ETV1: variants seen among roughly 807,000 people sequenced by gnomAD.
ETV1 encodes the protein ETS variant transcription factor 1.
Under a neutral mutation model 62.3 loss-of-function variants are expected in ETV1, and 27 were observed. That is an observed-to-expected ratio of 0.43 (90% CI 0.32 to 0.60). ETV1 has a LOEUF of 0.60. ETV1 is among the 20% of genes least tolerant of loss of function. The pLI, the probability that ETV1 is intolerant of heterozygous loss-of-function variation, is 0.06. For synonymous variants in ETV1, 222 were observed against 199.6 expected, an observed-to-expected ratio of 1.11 and a Z score of -0.94; for missense variants, 605 against 605.8, an observed-to-expected ratio of 1.00 and a Z score of 0.01.
chr7:13,955,682 T>C (rs866925661), intron 6 of ETV1, among the ~76,000 whole-genome samples: 1 of 152,206 alleles, frequency 6.6e-6, no homozygotes, highest in Admixed American at 6.5e-5. Context: ...ACTTTGCAAG[T>C]ATTGTAGGAA....
intron 9 of ETV1, among the ~76,000 whole-genome samples, chr7:13,920,860 T>G (rs1784766428): frequency 6.6e-6 from 1 of 152,156 alleles, no homozygotes; most frequent in East Asian, 1.9e-4. Flanking sequence ...TGAGACATGC[T>G]AAGCAATAAA....
chr7:13,901,643 A>C (rs1782443034), intron 12 of ETV1, among the ~76,000 whole-genome samples: 1 of 152,212 alleles, frequency 6.6e-6, no homozygotes. Context: ...TGTGTGTAGC[A>C]GAGGAAACAG....
chr7:13,959,203 T>G (rs55809307), intron 6 of ETV1, among the ~76,000 whole-genome samples: 15,831 of 152,102 alleles, frequency 0.1, 904 homozygotes, highest in African/African-American at 0.15. Flanking sequence ...GTATCCTCAC[T>G]CTTCAAAGCC....
chr7:13,896,289 G>C (rs1302274799), intron 13 of ETV1, among the ~76,000 whole-genome samples: 1 of 151,894 alleles, frequency 6.6e-6, no homozygotes, highest in Non-Finnish European at 1.5e-5. Flanking sequence ...AGTCAAGGGA[G>C]ATGCAAAATG....
At chr7:13,921,215 G>A (rs1009018986) in intron 9 of ETV1, among the ~76,000 whole-genome samples, 1 of 152,246 alleles carries the variant, frequency 6.6e-6, no homozygotes, top group African/African-American at 2.4e-5. Context: ...GTTTTGTAAT[G>A]GAATAAGGCC....
upstream of ETV1, among the ~76,000 whole-genome samples, chr7:13,990,111 A>T (rs550739731): frequency 3.8e-4 from 57 of 151,750 alleles, no homozygotes; most frequent in African/African-American, 1.3e-3. Context: ...AGGATCTCCA[A>T]CCTCTCTACT....
chr7:13,961,156 GA>G (rs1457976792), intron 6 of ETV1, among the ~76,000 whole-genome samples: 2 of 141,436 alleles, frequency 1.4e-5, no homozygotes, highest in South Asian at 4.6e-4. Flanking sequence ...AAAAAAAAAA[GA>G]AAAAAAAGAA....
intron 6 of ETV1, among the ~76,000 whole-genome samples, chr7:13,945,506 AT>A (rs995505288): frequency 2.0e-5 from 3 of 150,622 alleles, no homozygotes; most frequent in African/African-American, 4.9e-5. Flanking sequence ...GGCAAAAAAA[AT>A]TTTTTTTTTG....
chr7:13,899,970 A>T (rs970106477), intron 13 of ETV1, among the ~76,000 whole-genome samples: 25 of 152,310 alleles, frequency 1.6e-4, no homozygotes, highest in African/African-American at 5.5e-4. Flanking sequence ...CTCTTCTAAG[A>T]ACACAAAAAT....
Position 13,893,909 on chromosome 7 carries a change from A to G in ETV1, c.*1957T>C, listed in dbSNP as rs1289473300. 1 of 233,142 alleles carries G rather than the reference A, an allele frequency of 4.3e-6. No individual in the cohort carries two copies. Among genetic ancestry groups the G allele is most frequent in the African/African-American group, 2.2e-5 (1 of 45,334 alleles). 14.4% of individuals were successfully genotyped at this position (233,142 alleles called of 1,614,324 possible). ...CCAAAATAATACATGATGTATATGA[A>G]CAACAATCATTGAAATCGCAGGTTA... On this transcript the variant is annotated 3_prime_UTR_variant, in exon 14 of 14. Coordinates refer to ENST00000430479, the MANE Select transcript of ETV1 (RefSeq NM_004956.5).
In ETV1 at chr7:13,891,316, A is replaced by C. The variant is rs921397532; in HGVS notation, c.*4550T>G. The C allele has an allele frequency of 3.9e-5, 9 of 230,610 alleles. No individual in the cohort carries two copies. In the South Asian group the frequency reaches 1.4e-3, roughly 37 times the overall value. The allele number at this position is 230,610 out of a possible 1,614,324, so 14.3% of individuals were successfully genotyped here. A position where few individuals can be genotyped will look rare whatever the true frequency, so the allele number is the denominator to read the frequency against. On this transcript the variant is annotated 3_prime_UTR_variant, in exon 14 of 14. Transcript: ENST00000430479. ...ATGATTTTCATAGCATGTTTTCTCA[A>C]ACCGTAAGTATAATTTTAATACAAC... is the stretch of plus-strand genomic sequence containing the variant.
chr7:13,984,523 C>G lies in ETV1; in HGVS notation c.181+2115G>C, dbSNP rs186626738. Among the ~76,000 whole-genome samples the G allele has an allele frequency of 3.7e-3, 557 of 152,048 alleles. 2 individuals are homozygous for G. The highest frequency in any genetic ancestry group is 0.012 in the African/African-American group (513 of 41,546). ...ACAAGAAGTTAAAAAGATCTCTTTT[C>G]TCACTATTAGGTTTTAAACATCACG... On this transcript the variant is annotated intron_variant, in intron 5 of 13. Coordinates refer to ENST00000430479, the MANE Select transcript of ETV1 (RefSeq NM_004956.5).
chr7:13,986,807 T>A, intron 4 of ETV1, 122 bp from the exon 5 acceptor site: 2 of 728,432 alleles, frequency 2.7e-6, no homozygotes, highest in Middle Eastern at 3.9e-4. Context: ...GCAGTCAACA[T>A]AAAAATAAAA....
At chr7:13,956,752 GCA>G in intron 6 of ETV1, among the ~76,000 whole-genome samples, 1 of 152,096 alleles carries the variant, frequency 6.6e-6, no homozygotes, top group Non-Finnish European at 1.5e-5. Flanking sequence ...ACTAATCCTT[GCA>G]CAATGCAAGT....
intron 6 of ETV1, among the ~76,000 whole-genome samples, chr7:13,965,678 T>C (rs1035697259): frequency 5.3e-5 from 8 of 152,156 alleles, no homozygotes; most frequent in African/African-American, 9.7e-5. Flanking sequence ...TTTGTCCTAA[T>C]AGAGATTATT....
chr7:13,930,572 C>T (rs544291786), intron 9 of ETV1, among the ~76,000 whole-genome samples: 52 of 152,092 alleles, frequency 3.4e-4, no homozygotes, highest in Middle Eastern at 3.4e-3. Context: ...CCGCCCACCT[C>T]GGCCTCCCAA....
rs573599843 is a variant in ETV1, at chr7:13,906,543, C to T, written c.997G>A (p.Gly333Arg). ...AAAAACTGCCAGAGCTGAAGTGATC[C>T]TCGCCGTTGGTATGTGGGTCCTTCC... is the stretch of plus-strand genomic sequence containing the variant. ...YREGPTYQRR[G>R]SLQLWQFLVA... The change falls in exon 12 of 14, where the codon GGA becomes AGA. Residue 333 changes from glycine (G) to arginine (R), a missense_variant. Gly to Arg is a moderately radical substitution (Grantham distance 125). This residue lies in a region of ETV1 where 100 missense variants were observed against 156.4 expected (regional missense o/e 0.64). Transcript: ENST00000430479. The T allele has an allele frequency of 1.2e-6, 2 of 1,612,544 alleles. No individual in the cohort carries two copies. Among genetic ancestry groups the T allele is most frequent in the Non-Finnish European group, 1.7e-6 (2 of 1,179,240 alleles).
intron 11 of ETV1, 36 bp from the exon 12 acceptor site, chr7:13,906,635 A>C (rs1251932508): frequency 6.8e-7 from 1 of 1,465,434 alleles, no homozygotes; most frequent in Admixed American, 2.2e-5. Context: ...TATTATTAGC[A>C]ATACTATGCT....
rs376142692 is a variant in ETV1, at chr7:13,895,899, G to A, written c.1401C>T (p.Asn467=). Reference sequence around the variant, plus strand: ...CGTAGCCTTCGTTGTAGGGGTGGGGGTTGCAGCAGCCCCCTTCCGGCATGT... The same window carrying A: ...CGTAGCCTTCGTTGTAGGGGTGGGGATTGCAGCAGCCCCCTTCCGGCATGT... ...MAYMPEGGCC[N]PHPYNEGYVY The change falls in exon 14 of 14, where the codon AAC becomes AAT. Residue 467 remains asparagine, a synonymous_variant. Transcript: ENST00000430479. The A allele has an allele frequency of 6.0e-4, 973 of 1,613,736 alleles. 6 individuals are homozygous for A. Among genetic ancestry groups the A allele is most frequent in the Non-Finnish European group, 3.8e-4 (453 of 1,179,806 alleles).
Sources: gnomAD v4.1 joint callset for allele counts (sites outside exome capture counted in the v4.1 genomes callset) on GRCh38, gnomAD v4.1.1 for gene constraint, gnomAD v4.1.1 regional missense constraint, MANE v1.5 for transcripts, NCBI Gene and HGNC (gene_info 2026-07-23, HGNC 2026-07-21) for gene names.